CDK14: variants seen among roughly 807,000 people sequenced by gnomAD.
CDK14 encodes cyclin dependent kinase 14, also known as cyclin-dependent kinase 14.
CDK14 carries 34 observed loss-of-function variants against 60.7 expected under a neutral mutation model. The observed-to-expected ratio is 0.56, with a 90% CI of 0.43 to 0.75. CDK14 has a LOEUF of 0.75. Among genes scored for constraint, CDK14 ranks in the 30% least tolerant of loss-of-function variants. CDK14 has a pLI of 0.00. For synonymous variants in CDK14, 197 were observed against 203.7 expected, an observed-to-expected ratio of 0.97 and a Z score of 0.28; for missense variants, 482 against 564.1, an observed-to-expected ratio of 0.85 and a Z score of 1.47.
chr7:91,173,571 G>C (rs550250736), intron 14 of CDK14, among the ~76,000 whole-genome samples: 88 of 152,340 alleles, frequency 5.8e-4, no homozygotes, highest in African/African-American at 2.1e-3. Flanking sequence ...GGGAGTGCCA[G>C]ACAGTGGGCG....
At chr7:90,754,893 A>G (rs1161385368) in intron 4 of CDK14, among the ~76,000 whole-genome samples, 1 of 152,190 alleles carries the variant, frequency 6.6e-6, no homozygotes, top group Admixed American at 6.5e-5. Context: ...TCATCAGAAA[A>G]ATACAAATCA....
At chr7:90,733,169 C>G (rs1383239045) in intron 3 of CDK14, among the ~76,000 whole-genome samples, 1 of 152,082 alleles carries the variant, frequency 6.6e-6, no homozygotes, top group Non-Finnish European at 1.5e-5. Flanking sequence ...TTTCTTAATC[C>G]TGAGTTCTAA....
chr7:91,145,086 A>T (rs564695574), intron 14 of CDK14, among the ~76,000 whole-genome samples: 1 of 152,294 alleles, frequency 6.6e-6, no homozygotes, highest in Admixed American at 6.5e-5. Context: ...GGTATCAACT[A>T]CTCTTAAAAA....
chr7:90,922,431 T>C (rs535284197), intron 8 of CDK14, among the ~76,000 whole-genome samples: 4 of 152,154 alleles, frequency 2.6e-5, no homozygotes, highest in Admixed American at 1.3e-4. Context: ...GGTTTTTTTT[T>C]TCTCTCTAAT....
At chr7:91,145,851 A>C (rs1417877023) in intron 14 of CDK14, among the ~76,000 whole-genome samples, 2 of 152,192 alleles carry the variant, frequency 1.3e-5, no homozygotes, top group African/African-American at 2.4e-5. Flanking sequence ...TGTTGGGTAA[A>C]TCTAAGTCTT....
chr7:91,051,122 A>C (rs1433033956), intron 11 of CDK14, among the ~76,000 whole-genome samples: 3 of 152,204 alleles, frequency 2.0e-5, no homozygotes, highest in Non-Finnish European at 2.9e-5. Context: ...AAAATATTAC[A>C]CCAATACAAG....
intron 2 of CDK14, among the ~76,000 whole-genome samples, chr7:90,625,317 G>T (rs1453937912): frequency 1.3e-5 from 2 of 152,178 alleles, no homozygotes; most frequent in African/African-American, 4.8e-5. Context: ...TCCAGCCTGG[G>T]CAACATAGCG....
chr7:90,713,995 CCAT>C (rs1212951129), intron 2 of CDK14, among the ~76,000 whole-genome samples: 1 of 152,014 alleles, frequency 6.6e-6, no homozygotes, highest in Admixed American at 6.6e-5. Context: ...AACAAGTTAG[CCAT>C]CATCATCATT....
At chr7:90,853,919 C>T (rs1178859096) in intron 5 of CDK14, among the ~76,000 whole-genome samples, 8 of 152,072 alleles carry the variant, frequency 5.3e-5, no homozygotes, top group South Asian at 2.1e-4. Context: ...GCGGCTGTTG[C>T]GAATGGTGAA....
intron 6 of CDK14, among the ~76,000 whole-genome samples, chr7:90,877,445 T>A (rs2117270315): frequency 6.6e-6 from 1 of 151,942 alleles, no homozygotes; most frequent in Non-Finnish European, 1.5e-5. Flanking sequence ...TGGTGGCAGC[T>A]ATTTGCTGAG....
intron 8 of CDK14, among the ~76,000 whole-genome samples, chr7:90,920,825 C>T (rs943940514): frequency 3.3e-5 from 5 of 152,182 alleles, no homozygotes; most frequent in African/African-American, 1.2e-4. Flanking sequence ...TGAGTTCAAC[C>T]TTAGTAGACT....
chr7:90,639,752 T>G (rs1314290593), intron 2 of CDK14, among the ~76,000 whole-genome samples: 1 of 151,434 alleles, frequency 6.6e-6, no homozygotes, highest in Non-Finnish European at 1.5e-5. Context: ...CAGGCCTCCT[T>G]GAGCTGTGTT....
chr7:90,894,083 T>C (rs1298564977), intron 6 of CDK14, among the ~76,000 whole-genome samples: 1 of 152,172 alleles, frequency 6.6e-6, no homozygotes, highest in Non-Finnish European at 1.5e-5. Flanking sequence ...TCCCTACCTC[T>C]AAACACGCTA....
chr7:90,866,232 A>T lies in CDK14; in HGVS notation c.639+2963A>T, dbSNP rs541827476. On this transcript the variant is annotated intron_variant, in intron 6 of 14. Transcript: ENST00000380050. Reference sequence around the variant, plus strand: ...TCTTCTGAAATACACACACATACACATACACACACACACACACACACACAC... The same window carrying T: ...TCTTCTGAAATACACACACATACACTTACACACACACACACACACACACAC... Among the ~76,000 whole-genome samples, 192 of 114,520 alleles carry T rather than the reference A, an allele frequency of 1.7e-3. 3 individuals carry two copies. In the Middle Eastern group the frequency reaches 0.024, roughly 14 times the overall value. 75.1% of individuals were successfully genotyped at this position (114,520 alleles called of 152,430 possible).
At chr7:90,747,467 A>T (rs1054645070) in intron 3 of CDK14, among the ~76,000 whole-genome samples, 4 of 152,216 alleles carry the variant, frequency 2.6e-5, no homozygotes, top group Non-Finnish European at 4.4e-5. Flanking sequence ...TGGTTAGCTT[A>T]TGGGAATAAT....
At chr7:91,178,594 C>G (rs1801865872) in intron 14 of CDK14, among the ~76,000 whole-genome samples, 1 of 152,202 alleles carries the variant, frequency 6.6e-6, no homozygotes, top group Non-Finnish European at 1.5e-5. Flanking sequence ...GAATCTACAA[C>G]AAACTCAAAC....
intron 8 of CDK14, among the ~76,000 whole-genome samples, chr7:90,926,092 G>C (rs1793407482): frequency 6.6e-6 from 1 of 152,128 alleles, no homozygotes; most frequent in African/African-American, 2.4e-5. Flanking sequence ...TGTTACCAGT[G>C]TCTTTAGAGC....
chr7:91,051,217 T>C (rs950022048), intron 11 of CDK14, among the ~76,000 whole-genome samples: 1 of 152,186 alleles, frequency 6.6e-6, no homozygotes, highest in Non-Finnish European at 1.5e-5. Context: ...GAGTTATTCA[T>C]GAGGGATCTG....
At chr7:91,155,791 T>C (rs1259238952) in intron 14 of CDK14, among the ~76,000 whole-genome samples, 1 of 152,182 alleles carries the variant, frequency 6.6e-6, no homozygotes, top group Non-Finnish European at 1.5e-5. Context: ...TCTGTTGGGT[T>C]TATATATTAA....
Sources: allele counts gnomAD v4.1 joint callset (sites outside exome capture counted in the v4.1 genomes callset), GRCh38; gene constraint gnomAD v4.1.1; transcripts MANE v1.5; gene names NCBI Gene and HGNC (gene_info 2026-07-23, HGNC 2026-07-21).